The following SCN9A variants were observed in gnomAD, a reference collection of about 807,000 sequenced individuals.
SCN9A encodes sodium voltage-gated channel alpha subunit 9.
Under a neutral mutation model 187.0 loss-of-function variants are expected in SCN9A, and 131 were observed. The ratio of observed to expected loss-of-function variants is 0.70; its 90% CI spans 0.61 to 0.81. The LOEUF is 0.81. SCN9A is among the 30% of genes least tolerant of loss of function. SCN9A has a pLI of 0.00. For missense variants in SCN9A, 2,252 were observed against 2,396.6 expected (o/e 0.94, Z 1.26); for synonymous variants, 809 against 808.6 (o/e 1.00, Z -0.01).
chr2:166,290,467 G>A (rs1698009242), intron 9 of SCN9A, among the ~76,000 whole-genome samples: 1 of 152,076 alleles, frequency 6.6e-6, no homozygotes, highest in African/African-American at 2.4e-5. Context: ...GGTATTTCTG[G>A]TTCTAGGTCC....
intron 18 of SCN9A, among the ~76,000 whole-genome samples, chr2:166,251,119 A>G (rs537720252): frequency 2.0e-5 from 3 of 152,222 alleles, no homozygotes; most frequent in Non-Finnish European, 2.9e-5. Context: ...AGGTAAAGAC[A>G]TTGATGTTAA....
intron 26 of SCN9A, among the ~76,000 whole-genome samples, chr2:166,201,653 A>G (rs28452110): frequency 0.53 from 16,090 of 30,206 alleles, 6,775 homozygotes; most frequent in East Asian, 0.64. Context: ...TAGAGTATGT[A>G]TATATATAGT....
At chr2:166,336,925 C>T (rs1699642902) in intron 1 of SCN9A, among the ~76,000 whole-genome samples, 1 of 151,908 alleles carries the variant, frequency 6.6e-6, no homozygotes, top group Admixed American at 6.6e-5. Context: ...GGGACTATTT[C>T]CTTAACAAAG....
At chr2:166,228,244 A>G (rs2106386053) in intron 22 of SCN9A, among the ~76,000 whole-genome samples, 1 of 137,182 alleles carries the variant, frequency 7.3e-6, no homozygotes, top group Admixed American at 8.4e-5. Context: ...GGAAAGACCA[A>G]CACTTTTTTT....
chr2:166,289,946 C>T (rs1329621743), intron 9 of SCN9A, among the ~76,000 whole-genome samples: 3 of 152,078 alleles, frequency 2.0e-5, no homozygotes, highest in Non-Finnish European at 4.4e-5. Context: ...ATGTGAAGAA[C>T]ATGCAGGTTG....
chr2:166,272,886 G>A lies in SCN9A; in HGVS notation c.2875-11C>T. The A allele has an allele frequency of 1.6e-6, 2 of 1,285,924 alleles. No homozygotes were observed. The highest frequency in any genetic ancestry group is 1.0e-6 in the Non-Finnish European group (1 of 962,262). The allele number at this position is 1,285,924 out of a possible 1,614,324, so 79.7% of individuals were successfully genotyped here. On this transcript the variant is annotated splice_polypyrimidine_tract_variant and intron_variant, in intron 16 of 26. Transcript: ENST00000642356. ...AAATAGGTTTAGGACCTATATCAGG[G>A]TGGGGAGAGGGGGTAGAGAAATAGG...
intron 1 of SCN9A, among the ~76,000 whole-genome samples, chr2:166,368,830 A>C (rs1006007380): frequency 1.3e-4 from 20 of 150,862 alleles, no homozygotes; most frequent in Middle Eastern, 3.6e-3. Flanking sequence ...TCTACTAAAA[A>C]TACAAAATTA....
intron 17 of SCN9A, among the ~76,000 whole-genome samples, chr2:166,253,595 T>C (rs1035286107): frequency 6.6e-6 from 1 of 151,832 alleles, no homozygotes; most frequent in African/African-American, 2.4e-5. Context: ...TAATTACTAA[T>C]ATGTATTTTG....
Position 166,225,175 on chromosome 2 carries a change from A to G in SCN9A, c.4398+1392T>C, listed in dbSNP as rs528743062. Among the ~76,000 whole-genome samples, 4 of 152,164 alleles carry G rather than the reference A, an allele frequency of 2.6e-5. No homozygotes were observed. The East Asian group carries it at 5.8e-4, about 22-fold the overall frequency. ...CCGAAAGCATTGCTATCCCCCCTGA[A>G]TTGCTGCCTCTTTTATCAACACAAT... On this transcript the variant is annotated intron_variant, in intron 24 of 26. Coordinates refer to ENST00000642356, the MANE Select transcript of SCN9A (RefSeq NM_001365536.1).
rs535853560 is a variant in SCN9A at position 166,263,608 on chromosome 2, A to G, written c.3351+8791T>C. Reference sequence around the variant, plus strand: ...AATAACCATCTAGTCTTCTAAGTCAAAATTCTTTGTTGTGGGTTGAATTGT... The same window carrying G: ...AATAACCATCTAGTCTTCTAAGTCAGAATTCTTTGTTGTGGGTTGAATTGT... On this transcript the variant is annotated intron_variant, in intron 17 of 26. Transcript: ENST00000642356. Among the ~76,000 whole-genome samples, 78 of 152,114 alleles carry G rather than the reference A, an allele frequency of 5.1e-4. No individual in the cohort carries two copies. In the Middle Eastern group the frequency reaches 0.01, roughly 20 times the overall value.
Position 166,242,513 on chromosome 2 carries a change from T to A in SCN9A, c.3616A>T (p.Ser1206Cys). Reference sequence around the variant, plus strand: ...GTCAGATCATTTACCAGGGCACCACTGCTGAGCAGGATCATGAGGACAATG... The same window carrying A: ...GTCAGATCATTTACCAGGGCACCACAGCTGAGCAGGATCATGAGGACAATG... ...SFIVLMILLS[S>C]GALAFEDIYI... is the part of the protein sequence containing the mutation. Residue 1206 changes from serine to cysteine, a missense_variant, in exon 19 of 27, where the codon AGT becomes TGT. By Grantham distance (112) the Ser-to-Cys change is moderately radical (BLOSUM62 -1). Coordinates refer to ENST00000642356, the MANE Select transcript of SCN9A (RefSeq NM_001365536.1). 1 of 1,595,522 alleles carries A rather than the reference T, an allele frequency of 6.3e-7. No homozygotes were observed. The highest frequency in any genetic ancestry group is 8.5e-7 in the Non-Finnish European group (1 of 1,170,326).
intron 19 of SCN9A, among the ~76,000 whole-genome samples, chr2:166,241,632 T>C (rs1280977475): frequency 6.6e-6 from 1 of 152,030 alleles, no homozygotes; most frequent in East Asian, 1.9e-4. Flanking sequence ...AAAATTCCTG[T>C]TCGTCTTTCT....
chr2:166,373,969 C>G (rs902880909), intron 1 of SCN9A, among the ~76,000 whole-genome samples: 2 of 151,700 alleles, frequency 1.3e-5, no homozygotes, highest in African/African-American at 4.8e-5. Context: ...TAAATAGAAC[C>G]CTACTGATTG....
At chr2:166,341,938 T>C (rs1478796873) in intron 1 of SCN9A, among the ~76,000 whole-genome samples, 1 of 152,210 alleles carries the variant, frequency 6.6e-6, no homozygotes, top group African/African-American at 2.4e-5. Context: ...TAGGATATTC[T>C]GATCTCTCTT....
intron 1 of SCN9A, among the ~76,000 whole-genome samples, chr2:166,339,068 T>C (rs189524843): frequency 1.5e-4 from 23 of 152,312 alleles, no homozygotes; most frequent in African/African-American, 5.5e-4. Flanking sequence ...CATTTGGCTT[T>C]ATTCAGCAGA....
chr2:166,306,509 C>T lies in SCN9A; in HGVS notation c.467+1G>A, dbSNP rs1457566729. On this transcript the variant is annotated splice_donor_variant, in intron 4 of 26. Transcript: ENST00000642356. LOFTEE classifies it high-confidence loss of function. ...ATTAAAATGTACTTATACCCACTTA[C>T]TCGACATTTTTGGTCCAGTCCGGTG... 6.7e-7 allele frequency: 1 copy of T among 1,502,610 alleles called. No individual in the cohort carries two copies. Among genetic ancestry groups the T allele is most frequent in the Non-Finnish European group, 9.1e-7 (1 of 1,094,930 alleles). The allele number at this position is 1,502,610 out of a possible 1,614,324, so 93.1% of individuals were successfully genotyped here. A position where few individuals can be genotyped will look rare whatever the true frequency, so the allele number is the denominator to read the frequency against.
At chr2:166,247,020 A>G (rs1293721087) in intron 18 of SCN9A, among the ~76,000 whole-genome samples, 1 of 152,014 alleles carries the variant, frequency 6.6e-6, no homozygotes, top group African/African-American at 2.4e-5. Context: ...GAATGTAAAC[A>G]TAACAGAGAA....
chr2:166,339,015 A>G (rs1699700102), intron 1 of SCN9A, among the ~76,000 whole-genome samples: 1 of 152,172 alleles, frequency 6.6e-6, no homozygotes. Context: ...TAGAGTATGT[A>G]CCTGTTGCAA....
At chr2:166,281,354 G>A (rs1481855139) in intron 13 of SCN9A, among the ~76,000 whole-genome samples, 1 of 152,132 alleles carries the variant, frequency 6.6e-6, no homozygotes, top group Non-Finnish European at 1.5e-5. Flanking sequence ...GGTTAACCTT[G>A]TTTTCTGCAT....
Sources: gnomAD v4.1 joint callset for allele counts (sites outside exome capture counted in the v4.1 genomes callset) on GRCh38, gnomAD v4.1.1 for gene constraint, MANE v1.5 for transcripts, NCBI Gene and HGNC (gene_info 2026-07-23, HGNC 2026-07-21) for gene names.